TAS2R1: variants seen among roughly 807,000 people sequenced by gnomAD.
TAS2R1 encodes taste receptor type 2 member 1.
For synonymous variants in TAS2R1, 141 were observed against 134.2 expected (o/e 1.05, Z -0.35); for missense variants, 370 against 353.4 (o/e 1.05, Z -0.38).
chr5:9,799,535 G>A, the TAS2R1 span, among the ~76,000 whole-genome samples: 4 of 152,144 alleles, frequency 2.6e-5, no homozygotes, highest in South Asian at 4.1e-4. Context: ...CACCAGTCCA[G>A]AAATATTGAA....
chr5:9,763,677 A>T, the TAS2R1 span, among the ~76,000 whole-genome samples: 1 of 152,222 alleles, frequency 6.6e-6, no homozygotes, highest in Admixed American at 6.5e-5. Flanking sequence ...CTGTAGGAAG[A>T]AATGCAAAAG....
the TAS2R1 span, among the ~76,000 whole-genome samples, chr5:9,751,836 G>T: frequency 2.6e-5 from 4 of 152,128 alleles, no homozygotes; most frequent in South Asian, 8.3e-4. Context: ...ATGTCCTAAG[G>T]TACCTAAACC....
chr5:9,697,161 A>C (rs1354626259), intron 1 of TAS2R1, among the ~76,000 whole-genome samples: 1 of 152,130 alleles, frequency 6.6e-6, no homozygotes, highest in African/African-American at 2.4e-5. Context: ...CTAAATCTGA[A>C]AGACACCTTT....
At chr5:9,760,035 T>G in the TAS2R1 span, among the ~76,000 whole-genome samples, 1 of 152,144 alleles carries the variant, frequency 6.6e-6, no homozygotes, top group Non-Finnish European at 1.5e-5. Flanking sequence ...TAACTACCAG[T>G]CCTATGGTTA....
At chr5:9,711,850 G>A (rs907572091) in intron 1 of TAS2R1, among the ~76,000 whole-genome samples, 1 of 142,772 alleles carries the variant, frequency 7.0e-6, no homozygotes, top group Non-Finnish European at 1.6e-5. Flanking sequence ...TTTTTTAGTA[G>A]AGTTGGGGTT....
chr5:9,895,625 C>A, the TAS2R1 span, among the ~76,000 whole-genome samples: 1 of 152,212 alleles, frequency 6.6e-6, no homozygotes, highest in African/African-American at 2.4e-5. Context: ...CGGACAATAA[C>A]CATCAGAGAT....
At chr5:9,755,838 T>C in the TAS2R1 span, among the ~76,000 whole-genome samples, 1 of 152,224 alleles carries the variant, frequency 6.6e-6, no homozygotes, top group Non-Finnish European at 1.5e-5. Flanking sequence ...TACACTGTCA[T>C]GGCACTGGTG....
chr5:9,633,877 T>C (rs1739922158), upstream of TAS2R1, among the ~76,000 whole-genome samples: 3 of 152,130 alleles, frequency 2.0e-5, no homozygotes, highest in Non-Finnish European at 4.4e-5. Flanking sequence ...TTGTGAATAT[T>C]TTCTCCTATT....
the TAS2R1 span, among the ~76,000 whole-genome samples, chr5:9,725,340 G>A: frequency 1.3e-5 from 2 of 152,252 alleles, no homozygotes; most frequent in African/African-American, 2.4e-5. Flanking sequence ...GGGGCTGCGC[G>A]CGGAGCTTGT....
chr5:9,683,265 C>T (rs1281828834), intron 1 of TAS2R1, among the ~76,000 whole-genome samples: 1 of 152,102 alleles, frequency 6.6e-6, no homozygotes, highest in Non-Finnish European at 1.5e-5. Flanking sequence ...ATGCCATATT[C>T]TATAAGTTCC....
At chr5:9,800,836 G>A in the TAS2R1 span, among the ~76,000 whole-genome samples, 3 of 152,174 alleles carry the variant, frequency 2.0e-5, no homozygotes. Flanking sequence ...GGGTCTTTGG[G>A]AGATAATTAC....
At chr5:9,708,140 A>G (rs1254171923) in intron 1 of TAS2R1, among the ~76,000 whole-genome samples, 1 of 152,182 alleles carries the variant, frequency 6.6e-6, no homozygotes, top group Non-Finnish European at 1.5e-5. Context: ...AAGAGGAAAA[A>G]AAGAAGGGCC....
chr5:9,678,759 C>A (rs1224441592), intron 1 of TAS2R1, among the ~76,000 whole-genome samples: 2 of 151,970 alleles, frequency 1.3e-5, no homozygotes, highest in Admixed American at 1.3e-4. Context: ...TGGTGGGGAA[C>A]AACACACACT....
chr5:9,646,070 G>A lies in TAS2R1; in HGVS notation c.-81+13351C>T, dbSNP rs1310739825. 2.6e-5 allele frequency among the ~76,000 whole-genome samples: 4 copies of A among 152,124 alleles called. No homozygotes were observed. In the East Asian group the frequency reaches 7.7e-4, roughly 29 times the overall value. On this transcript the variant is annotated intron_variant, in intron 2 of 2. Transcript: ENST00000506620. ...GAACCAGACAAATTATCTGCCTAAA[G>A]CCAGTCATTTAGTGAAGTAACTAGG...
chr5:9,635,216 GT>G (rs918097460), upstream of TAS2R1, among the ~76,000 whole-genome samples: 4 of 151,974 alleles, frequency 2.6e-5, no homozygotes, highest in Non-Finnish European at 5.9e-5. Flanking sequence ...TATGATTTTT[GT>G]TTTTAATTCT....
chr5:9,726,789 C>A, the TAS2R1 span, among the ~76,000 whole-genome samples: 1 of 152,204 alleles, frequency 6.6e-6, no homozygotes, highest in South Asian at 2.1e-4. Flanking sequence ...ATGGATTTCC[C>A]AAATTTAAAA....
the TAS2R1 span, among the ~76,000 whole-genome samples, chr5:9,861,289 C>T: frequency 2.0e-5 from 3 of 151,946 alleles, no homozygotes; most frequent in Non-Finnish European, 4.4e-5. Context: ...AGCCCACGCA[C>T]GGATCACTTT....
At chr5:9,720,698 C>T in the TAS2R1 span, among the ~76,000 whole-genome samples, 3 of 152,270 alleles carry the variant, frequency 2.0e-5, no homozygotes, top group South Asian at 2.1e-4. Context: ...GGATGAGCTA[C>T]GGAGAGCAGA....
the TAS2R1 span, among the ~76,000 whole-genome samples, chr5:9,768,841 A>G: frequency 6.6e-6 from 1 of 152,254 alleles, no homozygotes; most frequent in Non-Finnish European, 1.5e-5. Context: ...ATTTTGATAT[A>G]GGCATACAAT....
Sources: allele counts gnomAD v4.1 joint callset (sites outside exome capture counted in the v4.1 genomes callset), GRCh38; gene constraint gnomAD v4.1.1; transcripts MANE v1.5; gene names NCBI Gene and HGNC (gene_info 2026-07-23, HGNC 2026-07-21).